Variants in THSD7A observed in about 807,000 individuals in gnomAD.
THSD7A encodes the protein thrombospondin type 1 domain containing 7A, also known as thrombospondin type-1 domain-containing protein 7A.
Under a neutral mutation model 231.3 loss-of-function variants are expected in THSD7A, and 96 were observed. The ratio of observed to expected loss-of-function variants is 0.41; its 90% CI spans 0.35 to 0.49. THSD7A has a LOEUF of 0.49. Ranked by LOEUF, THSD7A falls within the 20% of genes least tolerant of loss-of-function variation. The probability of loss-of-function intolerance (pLI) is 0.05; values close to 1 mark genes in which losing one functional copy is unlikely to be tolerated. For missense variants in THSD7A, 2,290 were observed against 2,070.2 expected (o/e 1.11, Z -2.06); for synonymous variants, 940 against 743.3 (o/e 1.26, Z -4.30).
intron 1 of THSD7A, among the ~76,000 whole-genome samples, chr7:11,671,221 G>C (rs374828230): frequency 6.6e-6 from 1 of 152,192 alleles, no homozygotes; most frequent in African/African-American, 2.4e-5. Context: ...TTCAAAGTGA[G>C]ATGGAAACCT....
chr7:11,462,042 A>G lies in THSD7A; in HGVS notation c.2470T>C (p.Cys824Arg). The G allele has an allele frequency of 1.2e-6, 2 of 1,613,722 alleles. No individual in the cohort carries two copies. The highest frequency in any genetic ancestry group is 1.7e-6 in the Non-Finnish European group (2 of 1,179,706). The change falls in exon 10 of 28, where the codon TGT becomes CGT. Residue 824 changes from cysteine to arginine, a missense_variant. Physicochemically the swap from Cys to Arg is radical, Grantham distance 180 (BLOSUM62 -3). Transcript: ENST00000423059. ...CTTTGGCACGCTTGAGGTGCCTCACAGGCCTTCTCTTCATAGAGGGGATCT... is the reference window on the plus strand; with the variant it reads ...CTTTGGCACGCTTGAGGTGCCTCACGGGCCTTCTCTTCATAGAGGGGATCT... ...CTDPLYEEKA[C>R]EAPQACQSYR...
At chr7:11,661,502 CAAAATCAGTTTTTATGCAA>C (rs1782927202) in intron 1 of THSD7A, among the ~76,000 whole-genome samples, 1 of 150,260 alleles carries the variant, frequency 6.7e-6, no homozygotes, top group Admixed American at 6.7e-5. Flanking sequence ...TAGAAAAATG[CAAAATCAGTTTTTATGCAA>C]AAAAAAGCAA....
At chr7:11,560,247 A>G (rs769193753) in intron 4 of THSD7A, among the ~76,000 whole-genome samples, 5 of 152,292 alleles carry the variant, frequency 3.3e-5, no homozygotes, top group Middle Eastern at 6.8e-3. Flanking sequence ...GGATAAATGC[A>G]TAAGTCTGAG....
At chr7:11,731,008 C>T (rs1005930509) in intron 1 of THSD7A, among the ~76,000 whole-genome samples, 11 of 151,538 alleles carry the variant, frequency 7.3e-5, no homozygotes, top group African/African-American at 2.7e-4. Flanking sequence ...CTATTTCATC[C>T]TTAAAAAATG....
intron 1 of THSD7A, among the ~76,000 whole-genome samples, chr7:11,785,105 T>G (rs867328711): frequency 6.6e-6 from 1 of 152,138 alleles, no homozygotes; most frequent in African/African-American, 2.4e-5. Context: ...GTCCTTGGAT[T>G]CCTGCAAAAG....
intron 7 of THSD7A, among the ~76,000 whole-genome samples, chr7:11,476,523 T>C (rs140863909): frequency 7.9e-4 from 120 of 152,232 alleles, no homozygotes; most frequent in African/African-American, 2.6e-3. Flanking sequence ...TTACTCAAGA[T>C]TGTGTAGAAA....
At chr7:11,770,297 T>A (rs1362893017) in intron 1 of THSD7A, among the ~76,000 whole-genome samples, 1 of 152,126 alleles carries the variant, frequency 6.6e-6, no homozygotes, top group African/African-American at 2.4e-5. Context: ...AATATTTAGT[T>A]TGCTAATAGA....
In THSD7A at chr7:11,406,541, G is replaced by T; in HGVS notation, c.4063-67C>A. On this transcript the variant is annotated intron_variant, in intron 21 of 27. Transcript: ENST00000423059. The surrounding 1 kb of genome is among the most constrained non-coding windows in gnomAD (Gnocchi z 4.7). ...ACTTCATTAGAGAGCTCATCACTTA[G>T]TTATCTCTGCACCACTGACTTTGAT... 6.9e-7 allele frequency: 1 copy of T among 1,442,758 alleles called. No individual in the cohort carries two copies. The allele number at this position is 1,442,758 out of a possible 1,614,324, so 89.4% of individuals were successfully genotyped here. A position where few individuals can be genotyped will look rare whatever the true frequency, so the allele number is the denominator to read the frequency against.
intron 5 of THSD7A, 122 bp downstream of exon 5, chr7:11,542,840 A>C (rs1789210626): frequency 3.7e-6 from 4 of 1,083,352 alleles, no homozygotes; most frequent in Non-Finnish European, 5.2e-6. Context: ...TTTTGAAATT[A>C]ATAGTCTTTA....
Position 11,401,816 on chromosome 7 carries a change from A to T in THSD7A, c.4390T>A (p.Leu1464Ile). ...TCACCATAACATGATTTTGTTTCTA[A>T]CATCTGCTCTGGGCACAGATGCTGA... ...ENQHLCPEQM[L>I]ETKSCYDGQC... Residue 1464 changes from leucine (L) to isoleucine (I), a missense_variant, in exon 23 of 28, where the codon TTA becomes ATA. Transcript: ENST00000423059. The T allele has an allele frequency of 6.2e-7, 1 of 1,613,076 alleles. No homozygotes were observed. Among genetic ancestry groups the T allele is most frequent in the Non-Finnish European group, 8.5e-7 (1 of 1,179,540 alleles).
rs140767042 is a variant in THSD7A, at chr7:11,486,385, G to A, written c.1823-4403C>T. Among the ~76,000 whole-genome samples, 3 of 152,268 alleles carry A rather than the reference G, an allele frequency of 2.0e-5. No homozygotes were observed. In the South Asian group the frequency reaches 6.2e-4, roughly 32 times the overall value. On this transcript the variant is annotated intron_variant, in intron 6 of 27. Coordinates refer to ENST00000423059, the MANE Select transcript of THSD7A (RefSeq NM_015204.3). ...TTATACTCCTCTATTTGGAGAAATG[G>A]AAGTTTTGCTGCCTAGCACTATGGG...
At chr7:11,541,948 A>AGC (rs1390441627) in intron 5 of THSD7A, among the ~76,000 whole-genome samples, 1 of 151,742 alleles carries the variant, frequency 6.6e-6, no homozygotes. Flanking sequence ...GGGAACAGAG[A>AGC]GAGAGATAAA....
At chr7:11,493,024 G>A (rs1451301876) in intron 6 of THSD7A, among the ~76,000 whole-genome samples, 1 of 152,092 alleles carries the variant, frequency 6.6e-6, no homozygotes, top group African/African-American at 2.4e-5. Context: ...AACCACACAT[G>A]TATTAGGAAC....
chr7:11,821,299 T>G, intron 1 of THSD7A: 2 of 875,384 alleles, frequency 2.3e-6, no homozygotes, highest in Non-Finnish European at 3.9e-6. Flanking sequence ...AAACTCCTAT[T>G]GGAAACCAAC....
rs184490756 is a variant in THSD7A at position 11,550,687 on chromosome 7, C to A, written c.1454-7570G>T. On this transcript the variant is annotated intron_variant, in intron 4 of 27. Coordinates refer to ENST00000423059, the MANE Select transcript of THSD7A (RefSeq NM_015204.3). ...TTAAACCTCATTTCTTTAAAAATTA[C>A]CCAGTCCCAAGTAGTTCTTTATATC... 6.0e-4 allele frequency among the ~76,000 whole-genome samples: 92 copies of A among 152,204 alleles called. 1 individual carries two copies. The highest frequency in any genetic ancestry group is 1.3e-3 in the Admixed American group (20 of 15,290).
chr7:11,776,420 A>G (rs1783406509), intron 1 of THSD7A, among the ~76,000 whole-genome samples: 1 of 152,222 alleles, frequency 6.6e-6, no homozygotes, highest in Non-Finnish European at 1.5e-5. Context: ...AGAATTCTCT[A>G]GAGAGAAAAA....
chr7:11,497,911 G>T (rs1039166647), intron 6 of THSD7A, among the ~76,000 whole-genome samples: 2 of 152,072 alleles, frequency 1.3e-5, no homozygotes, highest in African/African-American at 4.8e-5. Flanking sequence ...AAGCGATCCC[G>T]GGAAACCATG....
intron 2 of THSD7A, among the ~76,000 whole-genome samples, chr7:11,627,025 AG>A (rs1050678100): frequency 6.6e-6 from 1 of 152,144 alleles, no homozygotes; most frequent in African/African-American, 2.4e-5. Context: ...TAAAAGACTC[AG>A]GTTTTAAAAC....
chr7:11,694,092 T>A (rs17833670), intron 1 of THSD7A, among the ~76,000 whole-genome samples: 2,857 of 151,452 alleles, frequency 0.019, 36 homozygotes, highest in Non-Finnish European at 0.026. Context: ...AGTAAAGGAG[T>A]TTGGTCACTC....
Sources: allele counts gnomAD v4.1 joint callset (sites outside exome capture counted in the v4.1 genomes callset), GRCh38; gene constraint gnomAD v4.1.1; non-coding constraint Gnocchi (gnomAD v3.1); transcripts MANE v1.5; gene names NCBI Gene and HGNC (gene_info 2026-07-23, HGNC 2026-07-21).